Variants in XKR5 observed in about 807,000 individuals in gnomAD.
XKR5 encodes the protein XK-related protein 5.
A neutral mutation model predicts 40.8 loss-of-function variants in XKR5; 46 were observed. The ratio of observed to expected loss-of-function variants is 1.13; its 90% confidence interval spans 0.89 to 1.44. XKR5 has a LOEUF of 1.44. Ranked by LOEUF, XKR5 falls within the 40% of genes most tolerant of loss-of-function variation. The pLI is 0.00. For missense variants in XKR5, 1,169 were observed against 844.7 expected, an observed-to-expected ratio of 1.38 and a Z score of -4.76; for synonymous variants, 466 against 356.1, an observed-to-expected ratio of 1.31 and a Z score of -3.48.
At position 6,810,578 on chromosome 8, in the gene XKR5, A is replaced by G. The variant is rs941928339; in HGVS notation, c.*620T>C. The G allele has an allele frequency of 6.6e-6, 1 of 152,264 alleles. No individual in the cohort carries two copies. Among genetic ancestry groups the G allele is most frequent in the Admixed American group, 6.5e-5 (1 of 15,284 alleles). 9.4% of individuals were successfully genotyped at this position (152,264 alleles called of 1,614,324 possible). A position where few individuals can be genotyped will look rare whatever the true frequency, so the allele number is the denominator to read the frequency against. On this transcript the variant is annotated 3_prime_UTR_variant, in exon 7 of 7. Transcript: ENST00000618742. Reference sequence around the variant, plus strand: ...GAAAATGTGTGCATGTGCCCTTAGCATGGGTGAGGCTGAGCTAAGTGAGTC... The same window carrying G: ...GAAAATGTGTGCATGTGCCCTTAGCGTGGGTGAGGCTGAGCTAAGTGAGTC...
intron 4 of XKR5, 85 bp from the exon 5 acceptor site, chr8:6,822,123 G>C (rs1009501870): frequency 5.6e-5 from 76 of 1,366,120 alleles, no homozygotes; most frequent in Non-Finnish European, 6.8e-5. Context: ...GGGCTGGAAG[G>C]CTCTCCGACC....
Position 6,823,703 on chromosome 8 carries a change from G to A in XKR5, c.455C>T (p.Ser152Leu). The change falls in exon 4 of 7, where the codon TCA becomes TTA. Residue 152 changes from serine (S) to leucine (L), a missense_variant. Ser to Leu is a moderately radical substitution (Grantham distance 145). Coordinates refer to ENST00000618742, the MANE Select transcript of XKR5 (RefSeq NM_207411.5). Reference protein sequence around the residue: ...PGVSTLFSWSSLSWALVSYTR... With the variant: ...PGVSTLFSWSLLSWALVSYTR... ...GTAGGACACCAGTGCCCAGGAGAGT[G>A]AGGACCAGGAAAACAGGGTGCTCAC... 4 of 1,585,840 alleles carry A rather than the reference G, an allele frequency of 2.5e-6. No individual in the cohort carries two copies. The highest frequency in any genetic ancestry group is 3.4e-6 in the Non-Finnish European group (4 of 1,166,156).
intron 6 of XKR5, among the ~76,000 whole-genome samples, chr8:6,814,353 G>C (rs1476297539): frequency 6.6e-6 from 1 of 152,188 alleles, no homozygotes; most frequent in Non-Finnish European, 1.5e-5. Context: ...GGAGAGCTCT[G>C]CCAAGTGAAC....
intron 1 of XKR5, among the ~76,000 whole-genome samples, chr8:6,834,403 G>A (rs1278463380): frequency 6.6e-6 from 1 of 152,256 alleles, no homozygotes; most frequent in African/African-American, 2.4e-5. Flanking sequence ...TCCTGCGGCA[G>A]CCTCCCTTGC....
rs547652250 is a variant in XKR5 at position 6,809,246 on chromosome 8, T to G, written c.*1952A>C. 13 of 152,320 alleles carry G rather than the reference T, an allele frequency of 8.5e-5. No homozygotes were observed. In the East Asian group the frequency reaches 2.5e-3, roughly 29 times the overall value. 9.4% of individuals were successfully genotyped at this position (152,320 alleles called of 1,614,324 possible). ...AGACTGCATGGAGGAAGGACTGAGA[T>G]GCTGGGATAGCACAGTGAATGGAAC... is the stretch of plus-strand genomic sequence containing the variant. On this transcript the variant is annotated 3_prime_UTR_variant, in exon 7 of 7. Coordinates refer to ENST00000618742, the MANE Select transcript of XKR5 (RefSeq NM_207411.5).
chr8:6,825,145 C>G lies in XKR5; in HGVS notation c.427+20G>C. ...CTTCGGCAGTCAGACAGTCTGTGCT[C>G]TGTGGTGACAGTTACTCACCTGGCA... On this transcript the variant is annotated intron_variant, in intron 3 of 6. Coordinates refer to ENST00000618742, the MANE Select transcript of XKR5 (RefSeq NM_207411.5). 1.9e-6 allele frequency: 3 copies of G among 1,612,980 alleles called. No individual in the cohort carries two copies. The highest frequency in any genetic ancestry group is 2.2e-5 in the East Asian group (1 of 44,832).
At position 6,812,032 on chromosome 8, in the gene XKR5, T is replaced by A. The variant is rs763175849; in HGVS notation, c.1227A>T (p.Lys409Asn). 65 of 1,537,742 alleles carry A rather than the reference T, an allele frequency of 4.2e-5. 1 individual carries two copies. The highest frequency in any genetic ancestry group is 7.8e-6 in the Non-Finnish European group (9 of 1,146,934). The part of the protein sequence containing the change: ...FLSHHHWLWV[K>N]LALKTGNVSK... ...ACACATTTCCTGTTTTTAGGGCAAG[T>A]TTCACCCACAGCCAGTGGTGATGAC... Residue 409 changes from lysine to asparagine, a missense_variant, in exon 7 of 7, where the codon AAA becomes AAT. Physicochemically the swap from Lys to Asn is moderately conservative, Grantham distance 94. Coordinates refer to ENST00000618742, the MANE Select transcript of XKR5 (RefSeq NM_207411.5).
At position 6,825,340 on chromosome 8, in the gene XKR5, G is replaced by A. The variant is rs368394093; in HGVS notation, c.252C>T (p.Asp84=). 445 of 1,564,860 alleles carry A rather than the reference G, an allele frequency of 2.8e-4. No homozygotes were observed. The highest frequency in any genetic ancestry group is 1.1e-3 in the Admixed American group (51 of 46,554). The change falls in exon 3 of 7, where the codon GAC becomes GAT. Residue 84 remains aspartate (D), a synonymous_variant. Coordinates refer to ENST00000618742, the MANE Select transcript of XKR5 (RefSeq NM_207411.5). ...LQLGVWKRHW[D]AALTSLQKEL... ...CCTTCTGCAGACTGGTCAGTGCAGC[G>A]TCCCAGTGCCTAGGGAACAGCAGAG...
rs961361306 is a variant in XKR5 at position 6,815,781 on chromosome 8, G to A, written c.919+26C>T. On this transcript the variant is annotated intron_variant, in intron 6 of 6. Coordinates refer to ENST00000618742, the MANE Select transcript of XKR5 (RefSeq NM_207411.5). Reference sequence around the variant, plus strand: ...AAAAATACGTTGGGGAGGGGATGCAGAGAAGAAGGTGACATTGGGACTTAC... The same window carrying A: ...AAAAATACGTTGGGGAGGGGATGCAAAGAAGAAGGTGACATTGGGACTTAC... The A allele has an allele frequency of 5.3e-6, 8 of 1,496,076 alleles. No homozygotes were observed. In the Admixed American group the frequency reaches 1.5e-4, roughly 28 times the overall value. 92.7% of individuals were successfully genotyped at this position (1,496,076 alleles called of 1,614,324 possible).
intron 5 of XKR5, among the ~76,000 whole-genome samples, chr8:6,821,630 C>T (rs373390467): frequency 6.6e-6 from 1 of 152,146 alleles, no homozygotes; most frequent in Non-Finnish European, 1.5e-5. Flanking sequence ...CCAAATATGC[C>T]TCAGTTGTTG....
At chr8:6,812,842 T>G (rs1436364281) in intron 6 of XKR5, among the ~76,000 whole-genome samples, 2 of 152,208 alleles carry the variant, frequency 1.3e-5, no homozygotes, top group African/African-American at 2.4e-5. Context: ...GTTAATCAGA[T>G]TCATCAAAAA....
intron 2 of XKR5, among the ~76,000 whole-genome samples, chr8:6,828,054 G>C (rs1014076816): frequency 2.0e-5 from 3 of 152,046 alleles, no homozygotes; most frequent in Non-Finnish European, 2.9e-5. Context: ...GGGTGACAGA[G>C]GCAGAAGACT....
Position 6,811,708 on chromosome 8 carries a change from G to T in XKR5, c.1551C>A (p.Asp517Glu), listed in dbSNP as rs373562602. The T allele has an allele frequency of 2.6e-6, 4 of 1,537,676 alleles. No individual in the cohort carries two copies. Among genetic ancestry groups the T allele is most frequent in the Middle Eastern group, 1.7e-4 (1 of 5,992 alleles). The change falls in exon 7 of 7, where the codon GAC becomes GAA. Residue 517 changes from aspartate to glutamate, a missense_variant. Coordinates refer to ENST00000618742, the MANE Select transcript of XKR5 (RefSeq NM_207411.5). ...QGEGTPKEGA[D>E]AVSGTQGKGT... ...CCTTCCCCTGTGTCCCAGAAACAGC[G>T]TCAGCTCCTTCCTTTGGGGTGCCCT...
chr8:6,828,987 G>T (rs1003893450), intron 2 of XKR5, among the ~76,000 whole-genome samples: 2 of 152,088 alleles, frequency 1.3e-5, no homozygotes, highest in Non-Finnish European at 2.9e-5. Flanking sequence ...TTGCACCAGC[G>T]GCTGCAGCTT....
rs1006693475 is a variant in XKR5 at position 6,808,563 on chromosome 8, T to C, written c.*2635A>G. The C allele has an allele frequency of 6.6e-6, 1 of 152,188 alleles. No homozygotes were observed. The highest frequency in any genetic ancestry group is 1.5e-5 in the Non-Finnish European group (1 of 68,036). The allele number at this position is 152,188 out of a possible 1,614,324, so 9.4% of individuals were successfully genotyped here. The stretch of plus-strand genomic sequence containing the variant: ...TATTAGTCTTCTCTAATAAATATAG[T>C]GTATATTTTCTGATCCTTTTCATCA... On this transcript the variant is annotated 3_prime_UTR_variant, in exon 7 of 7. Transcript: ENST00000618742.
At chr8:6,825,478 T>A in intron 2 of XKR5, 129 bp from the exon 3 acceptor site, 1 of 833,544 alleles carries the variant, frequency 1.2e-6, no homozygotes, top group Non-Finnish European at 1.7e-6. Flanking sequence ...CTAGAGTTAC[T>A]AGTTAGGCTG....
rs1220653246 is a variant in XKR5 at position 6,811,405 on chromosome 8, T to G, written c.1854A>C (p.Gly618=). ...RGFCPSAGFP[G]RTLSISELEE... is the part of the protein sequence containing the mutation. Reference sequence around the variant, plus strand: ...CTAGCTCTGAGATACTGAGGGTTCTTCCAGGGAAGCCTGCACTGGGGCAGA... The same window carrying G: ...CTAGCTCTGAGATACTGAGGGTTCTGCCAGGGAAGCCTGCACTGGGGCAGA... The change falls in exon 7 of 7, where the codon GGA becomes GGC. Residue 618 remains glycine, a synonymous_variant. Transcript: ENST00000618742. The G allele has an allele frequency of 6.5e-7, 1 of 1,537,138 alleles. No individual in the cohort carries two copies. The highest frequency in any genetic ancestry group is 8.7e-7 in the Non-Finnish European group (1 of 1,146,912).
chr8:6,824,640 A>G (rs1376559593), intron 3 of XKR5, among the ~76,000 whole-genome samples: 1 of 152,108 alleles, frequency 6.6e-6, no homozygotes, highest in African/African-American at 2.4e-5. Flanking sequence ...AAGTGATGCT[A>G]CCACCTCAGC....
chr8:6,821,786 ACACACACCCCC>A, intron 5 of XKR5, 72 bp downstream of exon 5: 3 of 1,295,876 alleles, frequency 2.3e-6, no homozygotes, highest in Non-Finnish European at 3.2e-6. Context: ...GTGCACACAC[ACACACACCCCC>A]CACACACACC....
Sources: allele counts gnomAD v4.1 joint callset (sites outside exome capture counted in the v4.1 genomes callset), GRCh38; gene constraint gnomAD v4.1.1; transcripts MANE v1.5; gene names NCBI Gene and HGNC (gene_info 2026-07-23, HGNC 2026-07-21).